Variants in KLF8 observed in about 807,000 individuals in gnomAD.
KLF8 encodes the protein KLF transcription factor 8.
KLF8 carries 10 observed loss-of-function variants against 18.2 expected under a neutral mutation model. That is an observed-to-expected ratio of 0.55 (90% confidence interval 0.34 to 0.93). KLF8 has a LOEUF of 0.93. Ranked by LOEUF, KLF8 falls within the 40% of genes least tolerant of loss-of-function variation. The pLI is 0.02. For missense variants in KLF8, 264 were observed against 277.9 expected, an observed-to-expected ratio of 0.95 and a Z score of 0.36; for synonymous variants, 109 against 97.3, an observed-to-expected ratio of 1.12 and a Z score of -0.71.
At chrX:56,118,587 T>C in the KLF8 span, among the ~76,000 whole-genome samples, 1 of 111,300 alleles carries the variant, frequency 9.0e-6, no homozygotes, top group South Asian at 3.8e-4. Flanking sequence ...GACTAGATGA[T>C]TTGTTTAGGG....
chrX:56,004,359 G>GT, the KLF8 span, among the ~76,000 whole-genome samples: 2 of 112,135 alleles, frequency 1.8e-5, no homozygotes, highest in Admixed American at 9.4e-5. Flanking sequence ...ATGCCATTGA[G>GT]TAATTGGGGG....
At chrX:56,160,288 T>G in the KLF8 span, among the ~76,000 whole-genome samples, 2 of 111,988 alleles carry the variant, frequency 1.8e-5, no homozygotes, top group African/African-American at 3.2e-5. Context: ...TTACATTTGC[T>G]AAGGAGACCT....
the KLF8 span, among the ~76,000 whole-genome samples, chrX:56,003,407 AAAAT>A: frequency 0.23 from 23,422 of 100,107 alleles, 2,655 homozygotes; most frequent in Middle Eastern, 0.37. Flanking sequence ...GAGACTCCGT[AAAAT>A]AAATAAATAA....
At chrX:56,186,237 T>C in the KLF8 span, among the ~76,000 whole-genome samples, 1 of 110,875 alleles carries the variant, frequency 9.0e-6, no homozygotes, top group East Asian at 2.8e-4. Context: ...TAGTCTCTGA[T>C]AAAACAGACT....
At chrX:55,991,219 C>A in the KLF8 span, among the ~76,000 whole-genome samples, 1 of 112,128 alleles carries the variant, frequency 8.9e-6, no homozygotes, top group Non-Finnish European at 1.9e-5. Flanking sequence ...GCGCCCTTCC[C>A]CAGCCTCTCT....
At chrX:56,126,756 T>C in the KLF8 span, among the ~76,000 whole-genome samples, 3 of 96,989 alleles carry the variant, frequency 3.1e-5, no homozygotes, top group South Asian at 5.0e-4. Flanking sequence ...TTCTTTCTTT[T>C]TTTTTTTTTT....
the KLF8 span, among the ~76,000 whole-genome samples, chrX:56,004,394 C>T: frequency 1.8e-5 from 2 of 112,057 alleles, no homozygotes; most frequent in African/African-American, 6.5e-5. Flanking sequence ...GAACTACCCA[C>T]AAAGTTGTGA....
At chrX:55,972,342 G>A in the KLF8 span, among the ~76,000 whole-genome samples, 1 of 110,885 alleles carries the variant, frequency 9.0e-6, no homozygotes, top group Admixed American at 9.6e-5. Flanking sequence ...AAAAGCAATA[G>A]AATTCATGGA....
the KLF8 span, among the ~76,000 whole-genome samples, chrX:56,183,891 G>A: frequency 9.0e-6 from 1 of 111,434 alleles, no homozygotes; most frequent in South Asian, 3.8e-4. Context: ...GGAGGTGGCA[G>A]CCAAGATGGC....
At chrX:56,132,436 G>C in the KLF8 span, among the ~76,000 whole-genome samples, 2 of 111,263 alleles carry the variant, frequency 1.8e-5, no homozygotes, top group Non-Finnish European at 3.8e-5. Flanking sequence ...TCTTTGAATT[G>C]AATGATAATA....
chrX:56,104,142 A>C, the KLF8 span, among the ~76,000 whole-genome samples: 1 of 111,590 alleles, frequency 9.0e-6, no homozygotes, highest in African/African-American at 3.3e-5. Context: ...TTTTGCATCA[A>C]GGTTCGTCAG....
chrX:56,279,486 C>A (rs2067168940), intron 5 of KLF8, among the ~76,000 whole-genome samples: 1 of 111,841 alleles, frequency 8.9e-6, no homozygotes, highest in Admixed American at 9.5e-5. Context: ...AAAGACTATT[C>A]TTGGCTAGTC....
At chrX:56,138,727 G>T in the KLF8 span, among the ~76,000 whole-genome samples, 1 of 111,302 alleles carries the variant, frequency 9.0e-6, no homozygotes, top group East Asian at 2.8e-4. Context: ...ATGGGCAAAA[G>T]CTGGAAACAT....
chrX:56,124,570 A>G, the KLF8 span, among the ~76,000 whole-genome samples: 99 of 111,781 alleles, frequency 8.9e-4, no homozygotes, highest in Non-Finnish European at 1.6e-3. Context: ...ATTGTGGCCT[A>G]TAGAGAGAGA....
At chrX:56,064,596 A>G in the KLF8 span, among the ~76,000 whole-genome samples, 8 of 109,750 alleles carry the variant, frequency 7.3e-5, no homozygotes, top group Non-Finnish European at 1.1e-4. Context: ...TTGTTTCTTT[A>G]TTTTTCTCTA....
chrX:56,218,916 ACTT>A, the KLF8 span, among the ~76,000 whole-genome samples: 6 of 111,992 alleles, frequency 5.4e-5, no homozygotes, highest in Admixed American at 1.9e-4. Flanking sequence ...AATTTGTGTT[ACTT>A]CTTTTTGTTG....
chrX:56,080,927 C>G, the KLF8 span, among the ~76,000 whole-genome samples: 1 of 111,147 alleles, frequency 9.0e-6, no homozygotes, highest in Non-Finnish European at 1.9e-5. Flanking sequence ...ACCCTTTCTT[C>G]CAGTTGATTG....
chrX:55,972,904 C>A, the KLF8 span, among the ~76,000 whole-genome samples: 8 of 111,996 alleles, frequency 7.1e-5, no homozygotes, highest in South Asian at 1.1e-3. Flanking sequence ...ACCTGAATAG[C>A]CAAAGGAATT....
chrX:55,991,282 G>T, the KLF8 span, among the ~76,000 whole-genome samples: 1 of 112,270 alleles, frequency 8.9e-6, no homozygotes, highest in Non-Finnish European at 1.9e-5. Flanking sequence ...GCGAGGCTCT[G>T]TGGGCGTAGG....
Sources: gnomAD v4.1 joint callset for allele counts (sites outside exome capture counted in the v4.1 genomes callset) on GRCh38, gnomAD v4.1.1 for gene constraint, MANE v1.5 for transcripts, NCBI Gene and HGNC (gene_info 2026-07-23, HGNC 2026-07-21) for gene names.